The following LIPN variants were observed in gnomAD, a reference collection of about 807,000 sequenced individuals.
LIPN encodes lipase member N.
In LIPN, 32 loss-of-function variants were observed where a neutral mutation model predicts 43.7. That is an observed-to-expected ratio of 0.73 (90% CI 0.55 to 0.98). LIPN has a LOEUF of 0.98. Ranked by LOEUF, LIPN falls within the 50% of genes least tolerant of loss-of-function variation. The probability of loss-of-function intolerance (pLI) is 0.00; values close to 1 mark genes in which losing one functional copy is unlikely to be tolerated. For missense variants in LIPN, 505 were observed against 483.8 expected, an observed-to-expected ratio of 1.04 and a Z score of -0.41; for synonymous variants, 156 against 157.6, an observed-to-expected ratio of 0.99 and a Z score of 0.08.
At chr10:88,774,373 C>T in intron 7 of LIPN, 100 bp from the exon 8 acceptor site, 1 of 699,326 alleles carries the variant, frequency 1.4e-6, no homozygotes, top group Non-Finnish European at 2.6e-6. Flanking sequence ...ATTTTCAAAG[C>T]CCCAGTCTTG....
rs779201446 is a variant in LIPN, at chr10:88,762,258, T to A, written c.179T>A (p.Leu60His). 2 of 1,609,544 alleles carry A rather than the reference T, an allele frequency of 1.2e-6. No homozygotes were observed. The highest frequency in any genetic ancestry group is 3.4e-5 in the Admixed American group (2 of 59,514). ...GTCACCACTGAAGATGGGTATATAC[T>A]CCTTGTCAACAGAATTCCTTATGGG... Reference protein sequence around the residue: ...YEVTTEDGYILLVNRIPYGRT... With the variant: ...YEVTTEDGYIHLVNRIPYGRT... Residue 60 changes from leucine (L) to histidine (H), a missense_variant, in exon 3 of 10, where the codon CTC (leucine) becomes CAC (histidine). By Grantham distance (99) the Leu-to-His change is moderately conservative. Coordinates refer to ENST00000404459, the MANE Select transcript of LIPN (RefSeq NM_001102469.2).
intron 5 of LIPN, 113 bp from the exon 6 acceptor site, chr10:88,768,679 C>A (rs979384382): frequency 4.2e-5 from 31 of 745,496 alleles, no homozygotes; most frequent in African/African-American, 3.4e-4. Flanking sequence ...TCCAATTCAT[C>A]CCCAGTATGA....
At chr10:88,763,548 C>T (rs1185821298) in intron 3 of LIPN, among the ~76,000 whole-genome samples, 1 of 152,042 alleles carries the variant, frequency 6.6e-6, no homozygotes, top group Non-Finnish European at 1.5e-5. Flanking sequence ...CACCATTTCA[C>T]AAATGATGAA....
At chr10:88,771,217 G>C (rs898128158) in intron 7 of LIPN, among the ~76,000 whole-genome samples, 6 of 151,584 alleles carry the variant, frequency 4.0e-5, no homozygotes, top group African/African-American at 1.5e-4. Context: ...ACCAAATCAG[G>C]GTAATTGGGA....
At chr10:88,761,273 A>G in intron 1 of LIPN, 125 bp from the exon 2 acceptor site, 1 of 654,876 alleles carries the variant, frequency 1.5e-6, no homozygotes, top group East Asian at 2.7e-5. Flanking sequence ...TCCTTTTTAT[A>G]CATTATCTGC....
chr10:88,773,560 C>A (rs1346455741), intron 7 of LIPN, among the ~76,000 whole-genome samples: 2 of 151,728 alleles, frequency 1.3e-5, no homozygotes, highest in Admixed American at 6.6e-5. Context: ...TGTTTTATCA[C>A]CTCTTCATTT....
intron 7 of LIPN, among the ~76,000 whole-genome samples, chr10:88,773,421 A>G (rs1564584673): frequency 6.6e-6 from 1 of 151,956 alleles, no homozygotes. Context: ...AGAAGCACAT[A>G]TAAACCTGCG....
Position 88,772,027 on chromosome 10 carries a change from T to A in LIPN, c.819+1036T>A, listed in dbSNP as rs76571449. ...GATTAGTAATGTTGAACATTGTTTT[T>A]AATGTACCTCTTGGCTATTTGTATG... On this transcript the variant is annotated intron_variant, in intron 7 of 9. Coordinates refer to ENST00000404459, the MANE Select transcript of LIPN (RefSeq NM_001102469.2). Among the ~76,000 whole-genome samples, 94 of 152,024 alleles carry A rather than the reference T, an allele frequency of 6.2e-4. No homozygotes were observed. The South Asian group carries it at 0.019, about 31-fold the overall frequency.
chr10:88,757,469 G>A (rs1251867806), upstream of LIPN, among the ~76,000 whole-genome samples: 1 of 152,060 alleles, frequency 6.6e-6, no homozygotes, highest in Non-Finnish European at 1.5e-5. Flanking sequence ...GAGTTGAGAT[G>A]GATGTGTGTT....
chr10:88,776,950 A>G (rs1180785141), intron 9 of LIPN, among the ~76,000 whole-genome samples: 4 of 151,882 alleles, frequency 2.6e-5, no homozygotes, highest in Non-Finnish European at 5.9e-5. Flanking sequence ...CCTTATGAAA[A>G]ACAAGCAAGA....
At chr10:88,770,614 T>C (rs566419580) in intron 6 of LIPN, among the ~76,000 whole-genome samples, 2 of 151,960 alleles carry the variant, frequency 1.3e-5, no homozygotes, top group African/African-American at 4.8e-5. Context: ...ACTGAATCAG[T>C]AAGTACAAAT....
Position 88,768,846 on chromosome 10 carries a change from T to C in LIPN, c.590T>C (p.Phe197Ser), listed in dbSNP as rs1478272037. The C allele has an allele frequency of 6.2e-7, 1 of 1,611,624 alleles. No individual in the cohort carries two copies. Among genetic ancestry groups the C allele is most frequent in the Admixed American group, 1.7e-5 (1 of 59,770 alleles). Residue 197 changes from phenylalanine to serine, a missense_variant, in exon 6 of 10, where the codon TTT (phenylalanine) becomes TCT (serine). Coordinates refer to ENST00000404459, the MANE Select transcript of LIPN (RefSeq NM_001102469.2). ...PELAQRIKMNFALGPTISFKY... is the reference protein window; with the variant it reads ...PELAQRIKMNSALGPTISFKY... Reference sequence around the variant, plus strand: ...CTGGCACAAAGAATCAAAATGAATTTTGCCTTGGGTCCTACGATCTCATTC... The same window carrying C: ...CTGGCACAAAGAATCAAAATGAATTCTGCCTTGGGTCCTACGATCTCATTC...
Position 88,778,034 on chromosome 10 carries a change from C to G in LIPN, c.989C>G (p.Thr330Ser), listed in dbSNP as rs763514172. ...AGTCATCCCCCTATATATGACCTGA[C>G]TGCCATGAAAGTGCCTACTGCTATT... ...NQSHPPIYDLTAMKVPTAIWA... is the reference protein window; with the variant it reads ...NQSHPPIYDLSAMKVPTAIWA... The change falls in exon 10 of 10, where the codon ACT (threonine) becomes AGT (serine). Residue 330 changes from threonine to serine, a missense_variant. Transcript: ENST00000404459. 1.9e-6 allele frequency: 3 copies of G among 1,613,258 alleles called. No homozygotes were observed. The Admixed American group carries it at 5.0e-5, about 27-fold the overall frequency.
intron 3 of LIPN, 41 bp from the exon 4 acceptor site, chr10:88,764,365 CTCTT>C (rs755688594): frequency 6.2e-6 from 9 of 1,441,328 alleles, no homozygotes; most frequent in Admixed American, 5.5e-5. Flanking sequence ...TTCTCTCTCT[CTCTT>C]TCTCTTTCTC....
rs1452819915 is a variant in LIPN, at chr10:88,772,513, C to T, written c.819+1522C>T. On this transcript the variant is annotated intron_variant, in intron 7 of 9. Transcript: ENST00000404459. ...CAGCATCATTTCTTGTGGAAATTGT[C>T]CTTTGCCCAATGTATGTTCTTGATG... 2.0e-5 allele frequency among the ~76,000 whole-genome samples: 3 copies of T among 151,914 alleles called. No individual in the cohort carries two copies. In the South Asian group the frequency reaches 6.2e-4, roughly 32 times the overall value.
At chr10:88,771,546 TAA>T (rs1843209746) in intron 7 of LIPN, among the ~76,000 whole-genome samples, 1 of 151,826 alleles carries the variant, frequency 6.6e-6, no homozygotes, top group African/African-American at 2.4e-5. Context: ...TTATTTCACT[TAA>T]TGTAATGTTC....
chr10:88,775,103 T>C lies in LIPN; in HGVS notation c.903T>C (p.Ser301=). 1 of 1,542,174 alleles carries C rather than the reference T, an allele frequency of 6.5e-7. No individual in the cohort carries two copies. Among genetic ancestry groups the C allele is most frequent in the Non-Finnish European group, 8.8e-7 (1 of 1,140,944 alleles). The change falls in exon 9 of 10, where the codon TCT becomes TCC. Residue 301 remains serine (S), a synonymous_variant. Transcript: ENST00000404459. Reference sequence around the variant, plus strand: ...AACATTTGTTTCAGCTTTACCACTCTGATGAATTCAGAGCTTATGACTGGG... The same window carrying C: ...AACATTTGTTTCAGCTTTACCACTCCGATGAATTCAGAGCTTATGACTGGG... ...NILHIKQLYH[S]DEFRAYDWGN... is the part of the protein sequence containing the mutation.
At chr10:88,760,013 A>G (rs1842972997), upstream of LIPN, among the ~76,000 whole-genome samples, 1 of 152,052 alleles carries the variant, frequency 6.6e-6, no homozygotes, top group African/African-American at 2.4e-5. Context: ...CACTGTAATC[A>G]TCTCTTACTC....
In LIPN at chr10:88,766,316, T is replaced by C. The variant is rs780796508; in HGVS notation, c.473T>C (p.Ile158Thr). The change falls in exon 5 of 10, where the codon ATT becomes ACT. Residue 158 changes from isoleucine to threonine, a missense_variant. Physicochemically the swap from Ile to Thr is moderately conservative, Grantham distance 89. Coordinates refer to ENST00000404459, the MANE Select transcript of LIPN (RefSeq NM_001102469.2). ...GATCTCCCAGGAGTAATAGACTTCA[T>C]TGTAAATAAAACTGGTCAGGAGAAA... ...KYDLPGVIDF[I>T]VNKTGQEKLY... 7 of 1,610,196 alleles carry C rather than the reference T, an allele frequency of 4.3e-6. No homozygotes were observed. In the Admixed American group the frequency reaches 5.0e-5, roughly 12 times the overall value.
Sources: allele counts gnomAD v4.1 joint callset (sites outside exome capture counted in the v4.1 genomes callset), GRCh38; gene constraint gnomAD v4.1.1; transcripts MANE v1.5; gene names NCBI Gene and HGNC (gene_info 2026-07-23, HGNC 2026-07-21).